EBF1: variants seen among roughly 807,000 people sequenced by gnomAD.
EBF1 encodes the protein EBF transcription factor 1.
EBF1 carries 10 observed loss-of-function variants against 68.4 expected under a neutral mutation model. The ratio of observed to expected loss-of-function variants is 0.15; its 90% confidence interval spans 0.09 to 0.25. The LOEUF is 0.25. Ranked by LOEUF, EBF1 falls within the 10% of genes least tolerant of loss-of-function variation. The pLI, the probability that EBF1 is intolerant of heterozygous loss-of-function variation, is 1.00. For missense variants in EBF1, 509 were observed against 794.4 expected (o/e 0.64, Z 4.32); for synonymous variants, 298 against 299.8 (o/e 0.99, Z 0.06).
intron 6 of EBF1, among the ~76,000 whole-genome samples, chr5:158,883,341 C>A (rs1262854338): frequency 9.0e-6 from 1 of 111,438 alleles, no homozygotes; most frequent in Non-Finnish European, 1.9e-5. Context: ...CACACACATA[C>A]ATGCATGTAT....
At chr5:158,699,761 A>T (rs528153436) in intron 15 of EBF1, among the ~76,000 whole-genome samples, 18 of 152,364 alleles carry the variant, frequency 1.2e-4, no homozygotes, top group African/African-American at 4.3e-4. Flanking sequence ...ATGAAACTGC[A>T]GAATGTCTTC....
intron 6 of EBF1, among the ~76,000 whole-genome samples, chr5:159,049,496 A>C (rs1773109307): frequency 1.3e-5 from 2 of 152,240 alleles, no homozygotes. Flanking sequence ...CCACTATGAA[A>C]GGAAAAACTC....
rs1026992042 is a variant in EBF1, at chr5:159,098,970, G to T, written c.134+375C>A. Among the ~76,000 whole-genome samples the T allele has an allele frequency of 2.2e-4, 34 of 151,974 alleles. 2 individuals are homozygous for T. Among genetic ancestry groups the T allele is most frequent in the Admixed American group, 1.9e-3 (29 of 15,276 alleles). ...AAAAGAAAAGAGGGAAAGGAAGAGC[G>T]AAGGGAAAGAAGAAAAGAGAGCCGG... On this transcript the variant is annotated intron_variant, in intron 1 of 15. Transcript: ENST00000313708.
At chr5:158,817,474 C>T (rs1783983380) in intron 8 of EBF1, among the ~76,000 whole-genome samples, 1 of 152,110 alleles carries the variant, frequency 6.6e-6, no homozygotes, top group Admixed American at 6.6e-5. Context: ...ACTTGCTTGC[C>T]TTTTCACCTT....
intron 6 of EBF1, among the ~76,000 whole-genome samples, chr5:158,866,833 GTATATA>G (rs70987938): frequency 8.6e-5 from 8 of 92,850 alleles, no homozygotes; most frequent in East Asian, 3.3e-4. Flanking sequence ...ATATGTATAT[GTATATA>G]TATATATATA....
intron 7 of EBF1, among the ~76,000 whole-genome samples, chr5:158,834,302 C>A (rs753691865): frequency 1.3e-5 from 2 of 152,098 alleles, no homozygotes; most frequent in Non-Finnish European, 2.9e-5. Context: ...AGTGTCAAGA[C>A]GAAGAAATAG....
intron 6 of EBF1, among the ~76,000 whole-genome samples, chr5:158,990,801 CCTA>C (rs1760153862): frequency 6.6e-6 from 1 of 152,188 alleles, no homozygotes; most frequent in African/African-American, 2.4e-5. Flanking sequence ...TTCTACTATT[CCTA>C]TAATGTGATC....
intron 10 of EBF1, among the ~76,000 whole-genome samples, chr5:158,736,846 C>T: frequency 6.6e-6 from 1 of 152,298 alleles, no homozygotes; most frequent in South Asian, 2.1e-4. Context: ...ATCTTTAAGA[C>T]TGAGTTTAAA....
Position 159,092,030 on chromosome 5 carries a change from TA to T in EBF1, c.411+3589del, listed in dbSNP as rs563376712. On this transcript the variant is annotated intron_variant, in intron 4 of 15. Coordinates refer to ENST00000313708, the MANE Select transcript of EBF1 (RefSeq NM_024007.5). ...GGTAAGAGGGGAGATAAGCTAAACT[TA>T]AAAAAAACTATTTAAAGATATATAA... 3.3e-3 allele frequency among the ~76,000 whole-genome samples: 509 copies of T among 152,056 alleles called. 2 individuals are homozygous for T. The highest frequency in any genetic ancestry group is 0.011 in the African/African-American group (471 of 41,464).
At chr5:158,928,010 TA>T in intron 6 of EBF1, among the ~76,000 whole-genome samples, 1 of 152,362 alleles carries the variant, frequency 6.6e-6, no homozygotes, top group East Asian at 1.9e-4. Flanking sequence ...TATAATGTTC[TA>T]AAAAGTTGCT....
chr5:158,923,291 A>T (rs1808847019), intron 6 of EBF1, among the ~76,000 whole-genome samples: 1 of 152,188 alleles, frequency 6.6e-6, no homozygotes, highest in Admixed American at 6.5e-5. Flanking sequence ...TATATCCCCA[A>T]CCTTACTTTA....
At chr5:158,816,506 C>T (rs779717877) in intron 8 of EBF1, among the ~76,000 whole-genome samples, 7 of 152,232 alleles carry the variant, frequency 4.6e-5, no homozygotes, top group Non-Finnish European at 7.3e-5. Flanking sequence ...AAATGACCTT[C>T]CATCCTTCAC....
intron 10 of EBF1, among the ~76,000 whole-genome samples, chr5:158,770,562 G>A (rs188399426): frequency 5.1e-4 from 77 of 152,114 alleles, no homozygotes; most frequent in Non-Finnish European, 8.5e-4. Context: ...ACTACTTCTC[G>A]CAGCCTTCTG....
At chr5:158,839,254 C>G (rs1037778456) in intron 7 of EBF1, among the ~76,000 whole-genome samples, 1 of 152,204 alleles carries the variant, frequency 6.6e-6, no homozygotes, top group Non-Finnish European at 1.5e-5. Flanking sequence ...TTATAATAGG[C>G]AGCTACCACT....
chr5:158,988,635 G>T (rs563463755), intron 6 of EBF1, among the ~76,000 whole-genome samples: 8 of 152,280 alleles, frequency 5.3e-5, no homozygotes, highest in African/African-American at 1.9e-4. Context: ...GGTTGCTATT[G>T]TATCAGCTGA....
chr5:158,818,884 GT>G (rs984658431), intron 8 of EBF1, among the ~76,000 whole-genome samples: 133 of 142,748 alleles, frequency 9.3e-4, no homozygotes, highest in Middle Eastern at 7.4e-3. Context: ...TAGTTCCATT[GT>G]TTTTTTTTCC....
At chr5:158,763,712 GTTGA>G (rs1450573163) in intron 10 of EBF1, among the ~76,000 whole-genome samples, 1 of 152,108 alleles carries the variant, frequency 6.6e-6, no homozygotes, top group African/African-American at 2.4e-5. Flanking sequence ...GGTGATGTTT[GTTGA>G]TTGATTTTCA....
chr5:158,893,649 A>C (rs1297609926), intron 6 of EBF1, among the ~76,000 whole-genome samples: 1 of 152,206 alleles, frequency 6.6e-6, no homozygotes, highest in Non-Finnish European at 1.5e-5. Flanking sequence ...GTCTTCTAAT[A>C]AAGGTTCCAC....
chr5:159,046,904 A>T (rs866582570), intron 6 of EBF1, among the ~76,000 whole-genome samples: 1 of 152,242 alleles, frequency 6.6e-6, no homozygotes, highest in South Asian at 2.1e-4. Flanking sequence ...CTGGGAAAAG[A>T]TTCACTCAGT....
Sources: gnomAD v4.1 joint callset for allele counts (sites outside exome capture counted in the v4.1 genomes callset) on GRCh38, gnomAD v4.1.1 for gene constraint, MANE v1.5 for transcripts, NCBI Gene and HGNC (gene_info 2026-07-23, HGNC 2026-07-21) for gene names.